The following ATOSA variants were observed in gnomAD, a reference collection of about 807,000 sequenced individuals.
ATOSA encodes the protein atos homolog protein A.
At chr15:52,704,955 A>G in the ATOSA span, among the ~76,000 whole-genome samples, 2 of 152,340 alleles carry the variant, frequency 1.3e-5, 1 homozygote, top group South Asian at 4.1e-4. Flanking sequence ...GCAATTCCTC[A>G]AGGATCTAGA....
At chr15:52,658,801 C>CAAAAAAAAAAAAA in the ATOSA span, 10 of 263,620 alleles carry the variant, frequency 3.8e-5, no homozygotes, top group African/African-American at 2.2e-4. Context: ...CTCGTTTCTA[C>CAAAAAAAAAAAAA]AAAAAAAAAA....
the ATOSA span, among the ~76,000 whole-genome samples, chr15:52,644,127 T>A: frequency 6.6e-6 from 1 of 152,046 alleles, no homozygotes; most frequent in Non-Finnish European, 1.5e-5. Flanking sequence ...TCTTTCTATG[T>A]TGCCAGGCTG....
At chr15:52,645,498 C>G in the ATOSA span, among the ~76,000 whole-genome samples, 1 of 151,968 alleles carries the variant, frequency 6.6e-6, no homozygotes, top group Non-Finnish European at 1.5e-5. Context: ...AGGAGTAGAT[C>G]AAGGTGCTAT....
chr15:52,650,079 T>C, the ATOSA span, among the ~76,000 whole-genome samples: 1 of 152,228 alleles, frequency 6.6e-6, no homozygotes. Context: ...TTGGTTTTTA[T>C]GGTTCTATAA....
the ATOSA span, among the ~76,000 whole-genome samples, chr15:52,689,561 G>A: frequency 6.6e-5 from 10 of 152,188 alleles, no homozygotes; most frequent in African/African-American, 1.7e-4. Flanking sequence ...GGCCATGAAA[G>A]GTGCTTCAGT....
the ATOSA span, among the ~76,000 whole-genome samples, chr15:52,686,080 G>A: frequency 1.3e-5 from 2 of 152,160 alleles, no homozygotes; most frequent in East Asian, 3.8e-4. Flanking sequence ...TTATTAGAGG[G>A]TCACACACAG....
At chr15:52,617,177 T>A in the ATOSA span, among the ~76,000 whole-genome samples, 1 of 152,116 alleles carries the variant, frequency 6.6e-6, no homozygotes, top group Non-Finnish European at 1.5e-5. Context: ...AATGAGGTCA[T>A]AAGGGTGGTA....
At chr15:52,593,329 A>T in the ATOSA span, 1 of 401,818 alleles carries the variant, frequency 2.5e-6, no homozygotes, top group Admixed American at 4.2e-5. Flanking sequence ...AGTGTCACTA[A>T]TCAATTTTTA....
At chr15:52,641,699 A>C in the ATOSA span, among the ~76,000 whole-genome samples, 1 of 152,214 alleles carries the variant, frequency 6.6e-6, no homozygotes, top group East Asian at 1.9e-4. Context: ...TTGAGATGGA[A>C]AATTATAATT....
chr15:52,683,989 A>T, the ATOSA span, among the ~76,000 whole-genome samples: 1 of 152,228 alleles, frequency 6.6e-6, no homozygotes, highest in Non-Finnish European at 1.5e-5. Flanking sequence ...ACACATATTT[A>T]TGATCTTAAA....
the ATOSA span, among the ~76,000 whole-genome samples, chr15:52,622,270 CT>C: frequency 6.6e-6 from 1 of 152,046 alleles, no homozygotes; most frequent in East Asian, 1.9e-4. Flanking sequence ...AACACTTTTT[CT>C]TTTTAAAAAC....
the ATOSA span, among the ~76,000 whole-genome samples, chr15:52,634,868 C>T: frequency 5.9e-5 from 9 of 152,128 alleles, no homozygotes; most frequent in Admixed American, 5.9e-4. Context: ...TCCCAAAGTG[C>T]TGGGATTACA....
chr15:52,645,894 A>G, the ATOSA span, among the ~76,000 whole-genome samples: 1 of 152,220 alleles, frequency 6.6e-6, no homozygotes, highest in African/African-American at 2.4e-5. Flanking sequence ...ACCAAATTCT[A>G]GATTTACCTG....
the ATOSA span, among the ~76,000 whole-genome samples, chr15:52,660,508 T>C: frequency 6.6e-6 from 1 of 152,224 alleles, no homozygotes; most frequent in Non-Finnish European, 1.5e-5. Flanking sequence ...GACTTCTCCT[T>C]GCTCTCACTT....
the ATOSA span, among the ~76,000 whole-genome samples, chr15:52,633,311 T>C: frequency 5.9e-5 from 9 of 152,180 alleles, no homozygotes; most frequent in African/African-American, 2.2e-4. Flanking sequence ...GAGTAACAGA[T>C]CTAATTTATT....
chr15:52,686,181 G>A, the ATOSA span, among the ~76,000 whole-genome samples: 2 of 152,316 alleles, frequency 1.3e-5, no homozygotes, highest in Non-Finnish European at 1.5e-5. Flanking sequence ...AGCTGGTAGA[G>A]ATACTGTTTA....
the ATOSA span, among the ~76,000 whole-genome samples, chr15:52,623,063 G>A: frequency 5.1e-4 from 77 of 151,960 alleles, no homozygotes; most frequent in Non-Finnish European, 9.6e-4. Flanking sequence ...GGAGGCTGAG[G>A]CAGCAGGACT....
At chr15:52,584,738 G>A in the ATOSA span, 4 of 1,604,206 alleles carry the variant, frequency 2.5e-6, no homozygotes, top group East Asian at 6.7e-5. Context: ...TTAATTTGAA[G>A]CATTACCTCA....
the ATOSA span, among the ~76,000 whole-genome samples, chr15:52,624,078 T>G: frequency 6.6e-6 from 1 of 152,176 alleles, no homozygotes; most frequent in African/African-American, 2.4e-5. Flanking sequence ...AACAGTTACC[T>G]AGTTAGGTTC....
Sources: allele counts gnomAD v4.1 joint callset (sites outside exome capture counted in the v4.1 genomes callset), GRCh38; gene constraint gnomAD v4.1.1; transcripts MANE v1.5; gene names NCBI Gene and HGNC (gene_info 2026-07-23, HGNC 2026-07-21).